SPECC1L: variants seen among roughly 807,000 people sequenced by gnomAD.
SPECC1L encodes the protein sperm antigen with calponin homology and coiled-coil domains 1 like, also known as cytospin-A.
In SPECC1L, 40 loss-of-function variants were observed where a neutral mutation model predicts 116.8. The ratio of observed to expected loss-of-function variants is 0.34; its 90% CI spans 0.27 to 0.45. The LOEUF is 0.45. Ranked by LOEUF, SPECC1L falls within the 20% of genes least tolerant of loss-of-function variation. SPECC1L has a pLI of 1.00. For missense variants in SPECC1L, 1,110 were observed against 1,373.6 expected, an observed-to-expected ratio of 0.81 and a Z score of 3.03; for synonymous variants, 504 against 500.6, an observed-to-expected ratio of 1.01 and a Z score of -0.09.
intron 3 of SPECC1L, among the ~76,000 whole-genome samples, chr22:24,309,152 C>T (rs1023932309): frequency 1.3e-5 from 2 of 152,108 alleles, no homozygotes; most frequent in Non-Finnish European, 2.9e-5. Flanking sequence ...CACACACACA[C>T]GCACATATCT....
At chr22:24,305,963 C>T (rs1024133709) in intron 3 of SPECC1L, among the ~76,000 whole-genome samples, 1 of 151,880 alleles carries the variant, frequency 6.6e-6, no homozygotes, top group Non-Finnish European at 1.5e-5. Context: ...CTCTTGTTGC[C>T]CAGGCTGGAG....
At chr22:24,353,320 C>T (rs1160728153) in intron 11 of SPECC1L, among the ~76,000 whole-genome samples, 1 of 152,216 alleles carries the variant, frequency 6.6e-6, no homozygotes, top group Non-Finnish European at 1.5e-5. Flanking sequence ...CCCTGTCTCA[C>T]ATGACCTCAA....
intron 10 of SPECC1L, among the ~76,000 whole-genome samples, chr22:24,342,194 A>T (rs534229978): frequency 6.6e-6 from 1 of 152,370 alleles, no homozygotes; most frequent in South Asian, 2.1e-4. Flanking sequence ...TGCAATAAAA[A>T]ATTACTAGAC....
chr22:24,362,596 G>C (rs1434180712), intron 11 of SPECC1L, among the ~76,000 whole-genome samples: 1 of 152,070 alleles, frequency 6.6e-6, no homozygotes, highest in East Asian at 1.9e-4. Flanking sequence ...CCCTTTCCCT[G>C]CTGTCCTATT....
chr22:24,328,561 CAA>C (rs2040874731), intron 6 of SPECC1L, among the ~76,000 whole-genome samples: 1 of 152,110 alleles, frequency 6.6e-6, no homozygotes, highest in African/African-American at 2.4e-5. Context: ...TATGTACCAA[CAA>C]AGTGAATTTC....
At chr22:24,318,657 C>T (rs560823931) in intron 4 of SPECC1L, among the ~76,000 whole-genome samples, 4 of 152,204 alleles carry the variant, frequency 2.6e-5, no homozygotes, top group East Asian at 3.9e-4. Context: ...CGATGGTGCA[C>T]GCCTGTAATC....
chr22:24,345,594 T>C lies in SPECC1L; in HGVS notation c.2653-1492T>C, dbSNP rs563304427. ...AGAAGACAAACAACCCAATAAATAA[T>C]GGGCTAAGATTTGAGAAGATCCTTC... On this transcript the variant is annotated intron_variant, in intron 10 of 16. Transcript: ENST00000314328. Among the ~76,000 whole-genome samples the C allele has an allele frequency of 2.9e-4, 44 of 152,176 alleles. No individual in the cohort carries two copies. In the South Asian group the frequency reaches 7.7e-3, roughly 27 times the overall value.
chr22:24,300,429 G>T (rs548315593), intron 2 of SPECC1L, among the ~76,000 whole-genome samples: 6 of 152,258 alleles, frequency 3.9e-5, no homozygotes, highest in Admixed American at 2.6e-4. Context: ...AAACAGTGCT[G>T]CAATAAACAT....
chr22:24,398,302 TTCA>T (rs2042405401), intron 14 of SPECC1L, among the ~76,000 whole-genome samples: 1 of 151,924 alleles, frequency 6.6e-6, no homozygotes, highest in Admixed American at 6.5e-5. Context: ...TTGTTAAATC[TTCA>T]TCATTATTTT....
At chr22:24,378,026 A>G (rs1338344693) in intron 14 of SPECC1L, among the ~76,000 whole-genome samples, 2 of 152,202 alleles carry the variant, frequency 1.3e-5, no homozygotes, top group East Asian at 3.8e-4. Flanking sequence ...GTAGCTATGA[A>G]AGTCCTAGAT....
intron 2 of SPECC1L, among the ~76,000 whole-genome samples, chr22:24,286,061 A>G (rs1464513571): frequency 6.6e-6 from 1 of 152,278 alleles, no homozygotes; most frequent in Non-Finnish European, 1.5e-5. Context: ...TCGACAGGCA[A>G]CATTCTCAGA....
At chr22:24,353,452 G>GT (rs2041465951) in intron 11 of SPECC1L, among the ~76,000 whole-genome samples, 2 of 151,992 alleles carry the variant, frequency 1.3e-5, no homozygotes, top group East Asian at 3.9e-4. Flanking sequence ...TGTTTGTTTT[G>GT]TTTTTTGAGT....
At position 24,393,000 on chromosome 22, in the gene SPECC1L, G is replaced by A. The variant is rs142097959; in HGVS notation, c.3088-18588G>A. On this transcript the variant is annotated intron_variant, in intron 14 of 16. Transcript: ENST00000314328. ...TGGCCACATTCCAAGGACAGTTGTC[G>A]AGAGGGAGAGACAGGCATAAGCCAC... Among the ~76,000 whole-genome samples the A allele has an allele frequency of 4.2e-3, 641 of 152,296 alleles. 7 individuals carry two copies. Among genetic ancestry groups the A allele is most frequent in the African/African-American group, 0.014 (575 of 41,542 alleles).
chr22:24,398,517 A>T (rs2042409543), intron 14 of SPECC1L, among the ~76,000 whole-genome samples: 1 of 152,196 alleles, frequency 6.6e-6, no homozygotes, highest in Non-Finnish European at 1.5e-5. Context: ...AGAATTTCCA[A>T]GGACTTATAA....
chr22:24,330,762 T>C (rs1321856688), intron 8 of SPECC1L, among the ~76,000 whole-genome samples: 1 of 152,216 alleles, frequency 6.6e-6, no homozygotes, highest in African/African-American at 2.4e-5. Context: ...ATGTGGACTC[T>C]GGAGACAGAT....
intron 11 of SPECC1L, among the ~76,000 whole-genome samples, chr22:24,363,014 G>A (rs149000894): frequency 6.6e-6 from 1 of 152,218 alleles, no homozygotes; most frequent in East Asian, 1.9e-4. Flanking sequence ...CCAGGATTCA[G>A]AAGTATTCGT....
intron 3 of SPECC1L, among the ~76,000 whole-genome samples, chr22:24,309,982 C>G (rs945399954): frequency 6.6e-6 from 1 of 152,194 alleles, no homozygotes; most frequent in Non-Finnish European, 1.5e-5. Context: ...TTCCCTCTTA[C>G]GCAGTTCCCA....
At chr22:24,271,204 G>C (rs958708708) in intron 1 of SPECC1L, among the ~76,000 whole-genome samples, 2 of 152,400 alleles carry the variant, frequency 1.3e-5, no homozygotes, top group East Asian at 1.9e-4. Context: ...CAACCCGCAG[G>C]CTTCGCCGCC....
chr22:24,377,754 A>G (rs551805175), intron 14 of SPECC1L, among the ~76,000 whole-genome samples: 2 of 152,228 alleles, frequency 1.3e-5, no homozygotes, highest in South Asian at 2.1e-4. Flanking sequence ...TACATTGTCA[A>G]TGAGCAGTAA....
Sources: allele counts gnomAD v4.1 joint callset (sites outside exome capture counted in the v4.1 genomes callset), GRCh38; gene constraint gnomAD v4.1.1; transcripts MANE v1.5; gene names NCBI Gene and HGNC (gene_info 2026-07-23, HGNC 2026-07-21).